The following CAMTA1 variants were observed in gnomAD, a reference collection of about 807,000 sequenced individuals.
CAMTA1 encodes calmodulin binding transcription activator 1, also known as calmodulin-binding transcription activator 1.
In CAMTA1, 27 loss-of-function variants were observed where a neutral mutation model predicts 170.9. That is an observed-to-expected ratio of 0.16 (90% CI 0.12 to 0.22). The LOEUF (loss-of-function observed/expected upper bound fraction) is 0.22. Among genes scored for constraint, CAMTA1 ranks in the 10% least tolerant of loss-of-function variants. The pLI is 1.00. For missense variants in CAMTA1, 1,619 were observed against 2,217.2 expected, an observed-to-expected ratio of 0.73 and a Z score of 5.42; for synonymous variants, 833 against 891.5, an observed-to-expected ratio of 0.93 and a Z score of 1.17.
At chr1:6,996,905 C>T (rs1430298028) in intron 3 of CAMTA1, among the ~76,000 whole-genome samples, 6 of 152,164 alleles carry the variant, frequency 3.9e-5, no homozygotes, top group Non-Finnish European at 4.4e-5. Flanking sequence ...AATTCTATGT[C>T]TCATGAATTT....
intron 6 of CAMTA1, among the ~76,000 whole-genome samples, chr1:7,614,585 TA>T (rs2095546634): frequency 1.3e-5 from 2 of 152,098 alleles, no homozygotes; most frequent in African/African-American, 2.4e-5. Context: ...AGCCACCACT[TA>T]AAAAATGCCT....
chr1:7,558,066 C>T (rs2150232974), intron 6 of CAMTA1, among the ~76,000 whole-genome samples: 1 of 152,302 alleles, frequency 6.6e-6, no homozygotes, highest in South Asian at 2.1e-4. Context: ...CAGGCCTCCT[C>T]CTCGCCTGGC....
rs569049594 is a variant in CAMTA1 at position 7,758,007 on chromosome 1, C to T, written c.4989+2339C>T. ...AAAGAGGACAAAAATCTCCATTTCTCCCTCTATTCCCTCTCACCCTCTGCA... is the reference window on the plus strand; with the variant it reads ...AAAGAGGACAAAAATCTCCATTTCTTCCTCTATTCCCTCTCACCCTCTGCA... On this transcript the variant is annotated intron_variant, in intron 22 of 22. Coordinates refer to ENST00000303635, the MANE Select transcript of CAMTA1 (RefSeq NM_015215.4). Among the ~76,000 whole-genome samples, 4 of 151,940 alleles carry T rather than the reference C, an allele frequency of 2.6e-5. No individual in the cohort carries two copies. The South Asian group carries it at 8.3e-4, about 32-fold the overall frequency.
intron 3 of CAMTA1, among the ~76,000 whole-genome samples, chr1:6,990,186 T>C (rs974952228): frequency 1.4e-4 from 21 of 152,258 alleles, no homozygotes; most frequent in Admixed American, 1.2e-3. Context: ...CAGCAGTCTT[T>C]AGCTCAAGTG....
rs142917144 is a variant in CAMTA1, at chr1:7,622,786, A to G, written c.511-17614A>G. Among the ~76,000 whole-genome samples, 44 of 152,388 alleles carry G rather than the reference A, an allele frequency of 2.9e-4. No homozygotes were observed. The East Asian group carries it at 4.4e-3, about 15-fold the overall frequency. On this transcript the variant is annotated intron_variant, in intron 6 of 22. Transcript: ENST00000303635. ...TTTTCCAAGCCCAGCTCTGGGCCAG[A>G]TGCCAGGCTCAAGGCTTAGCAAGCC...
intron 5 of CAMTA1, among the ~76,000 whole-genome samples, chr1:7,284,424 G>A (rs1210999228): frequency 6.6e-6 from 1 of 151,974 alleles, no homozygotes; most frequent in East Asian, 1.9e-4. Context: ...GGCTGGTCTT[G>A]AACTCCTGAC....
chr1:7,060,725 C>T (rs539209043), intron 3 of CAMTA1, among the ~76,000 whole-genome samples: 1 of 152,218 alleles, frequency 6.6e-6, no homozygotes, highest in Non-Finnish European at 1.5e-5. Flanking sequence ...CCTGGAGCAG[C>T]AGACATTCTC....
intron 4 of CAMTA1, among the ~76,000 whole-genome samples, chr1:7,211,407 C>T (rs969056238): frequency 6.6e-6 from 1 of 152,224 alleles, no homozygotes; most frequent in Non-Finnish European, 1.5e-5. Flanking sequence ...AGTTCTTTCT[C>T]CATCGTCTTC....
At chr1:7,457,061 G>A (rs1163110855) in intron 5 of CAMTA1, among the ~76,000 whole-genome samples, 14 of 38,380 alleles carry the variant, frequency 3.6e-4, no homozygotes, top group Admixed American at 2.7e-3. Context: ...CTGCGCCGCC[G>A]TGCCCCTCAC....
intron 5 of CAMTA1, among the ~76,000 whole-genome samples, chr1:7,398,185 CTCTCTCTCTATATATA>C (rs1210538986): frequency 3.7e-4 from 17 of 46,538 alleles, no homozygotes; most frequent in African/African-American, 1.3e-3. Flanking sequence ...CTCTCTCTCT[CTCTCTCTCTATATATA>C]TATATATATA....
intron 3 of CAMTA1, among the ~76,000 whole-genome samples, chr1:6,889,153 G>A (rs1331307403): frequency 1.3e-5 from 2 of 152,152 alleles, no homozygotes; most frequent in African/African-American, 4.8e-5. Context: ...TAAAAGCAAA[G>A]GCTAAATTTT....
intron 3 of CAMTA1, among the ~76,000 whole-genome samples, chr1:6,961,395 G>A (rs1279737031): frequency 6.6e-6 from 1 of 152,166 alleles, no homozygotes; most frequent in Non-Finnish European, 1.5e-5. Flanking sequence ...CAGTTCAGGC[G>A]CCACCATCGT....
chr1:7,032,744 G>A (rs1248720630), intron 3 of CAMTA1, among the ~76,000 whole-genome samples: 1 of 151,868 alleles, frequency 6.6e-6, no homozygotes, highest in Non-Finnish European at 1.5e-5. Flanking sequence ...ATGTCTGCTG[G>A]TCATGAATTC....
intron 9 of CAMTA1, among the ~76,000 whole-genome samples, chr1:7,666,413 A>G (rs2149179171): frequency 6.6e-6 from 1 of 152,272 alleles, no homozygotes; most frequent in South Asian, 2.1e-4. Flanking sequence ...AGGCCGCCTC[A>G]GCTCCCGGGG....
At chr1:7,679,190 T>C (rs4908678) in intron 11 of CAMTA1, among the ~76,000 whole-genome samples, 53,956 of 152,118 alleles carry the variant, frequency 0.35, 9,674 homozygotes, top group Non-Finnish European at 0.37. Context: ...TTAGGAAATC[T>C]GGTTTTAGTT....
intron 4 of CAMTA1, among the ~76,000 whole-genome samples, chr1:7,118,660 C>T (rs1036235251): frequency 1.3e-5 from 2 of 151,936 alleles, no homozygotes; most frequent in Non-Finnish European, 1.5e-5. Context: ...CTCTACACAT[C>T]GTTTGAAATT....
intron 3 of CAMTA1, among the ~76,000 whole-genome samples, chr1:7,058,966 C>T (rs1032010665): frequency 6.6e-6 from 1 of 152,108 alleles, no homozygotes; most frequent in African/African-American, 2.4e-5. Flanking sequence ...AAATTCTAGA[C>T]TCTAGTGAAA....
At chr1:7,336,159 A>G (rs1380906860) in intron 5 of CAMTA1, among the ~76,000 whole-genome samples, 1 of 152,158 alleles carries the variant, frequency 6.6e-6, no homozygotes, top group Non-Finnish European at 1.5e-5. Flanking sequence ...ATGCATGGGG[A>G]CAGTGTTGTT....
At chr1:7,023,834 C>T (rs940174725) in intron 3 of CAMTA1, among the ~76,000 whole-genome samples, 5 of 152,056 alleles carry the variant, frequency 3.3e-5, no homozygotes, top group African/African-American at 1.2e-4. Context: ...TTGAGACCAG[C>T]CTGACCAACA....
Sources: gnomAD v4.1 joint callset for allele counts (sites outside exome capture counted in the v4.1 genomes callset) on GRCh38, gnomAD v4.1.1 for gene constraint, MANE v1.5 for transcripts, NCBI Gene and HGNC (gene_info 2026-07-23, HGNC 2026-07-21) for gene names.